Variants in TARS3 observed in about 807,000 individuals in gnomAD.
TARS3 encodes threonine--tRNA ligase 2, cytoplasmic.
In TARS3, 94 loss-of-function variants were observed where a neutral mutation model predicts 103.5. The ratio of observed to expected loss-of-function variants is 0.91; its 90% CI spans 0.77 to 1.08. The LOEUF (loss-of-function observed/expected upper bound fraction) is 1.08. Among genes scored for constraint, TARS3 ranks in the 50% least tolerant of loss-of-function variants. The pLI, the probability that TARS3 is intolerant of heterozygous loss-of-function variation, is 0.00. For missense variants in TARS3, 952 were observed against 995.2 expected (o/e 0.96, Z 0.58); for synonymous variants, 416 against 355.4 (o/e 1.17, Z -1.92).
intron 10 of TARS3, among the ~76,000 whole-genome samples, chr15:101,698,428 G>A (rs1282615364): frequency 1.3e-5 from 2 of 151,846 alleles, no homozygotes; most frequent in African/African-American, 4.8e-5. Flanking sequence ...TCTTATGGAA[G>A]AGAAAGGATG....
chr15:101,671,818 G>C (rs886071567), intron 13 of TARS3, 70 bp from the exon 14 acceptor site: 18 of 1,267,416 alleles, frequency 1.4e-5, no homozygotes, highest in Non-Finnish European at 2.0e-5. Flanking sequence ...GCTCACAAAA[G>C]TTACTATAAC....
At chr15:101,684,368 T>A in intron 11 of TARS3, 131 bp from the exon 12 acceptor site, 1 of 851,312 alleles carries the variant, frequency 1.2e-6, no homozygotes, top group African/African-American at 1.7e-5. Flanking sequence ...ATCACCAGGT[T>A]AAAAAAAAAA....
Position 101,708,936 on chromosome 15 carries a change from A to C in TARS3, c.813-26T>G, listed in dbSNP as rs1440013143. 35 of 1,438,586 alleles carry C rather than the reference A, an allele frequency of 2.4e-5. 1 individual carries two copies. Among genetic ancestry groups the C allele is most frequent in the Non-Finnish European group, 3.2e-5 (34 of 1,057,852 alleles). The allele number at this position is 1,438,586 out of a possible 1,614,324, so 89.1% of individuals were successfully genotyped here. The stretch of plus-strand genomic sequence containing the variant: ...CTAAAAAGAAGAGCAGAGAACCGAC[A>C]TCCATCTTCCAGACATTATGCATTC... On this transcript the variant is annotated intron_variant, in intron 5 of 18. Coordinates refer to ENST00000335968, the MANE Select transcript of TARS3 (RefSeq NM_152334.3).
intron 15 of TARS3, among the ~76,000 whole-genome samples, chr15:101,668,222 C>A (rs1897657181): frequency 6.6e-6 from 1 of 152,122 alleles, no homozygotes; most frequent in Admixed American, 6.5e-5. Flanking sequence ...TCATTTCTAG[C>A]TTTTGATCTA....
chr15:101,680,001 A>G (rs994016410), intron 12 of TARS3, among the ~76,000 whole-genome samples: 5 of 152,096 alleles, frequency 3.3e-5, no homozygotes, highest in Admixed American at 6.6e-5. Context: ...TTCTGACACT[A>G]CTCAAGCAGG....
At chr15:101,713,783 G>A (rs897826056) in intron 4 of TARS3, among the ~76,000 whole-genome samples, 5 of 152,184 alleles carry the variant, frequency 3.3e-5, no homozygotes, top group African/African-American at 7.2e-5. Context: ...CAGATATCAC[G>A]TAGACAGTAG....
chr15:101,703,096 A>G (rs962775688), intron 8 of TARS3, among the ~76,000 whole-genome samples: 1 of 152,204 alleles, frequency 6.6e-6, no homozygotes, highest in Admixed American at 6.5e-5. Flanking sequence ...TAAGAAAATC[A>G]AAGCCAAGAA....
At chr15:101,701,775 A>C (rs1391346574) in intron 9 of TARS3, among the ~76,000 whole-genome samples, 1 of 152,136 alleles carries the variant, frequency 6.6e-6, no homozygotes, top group Non-Finnish European at 1.5e-5. Context: ...GAATGTAAAA[A>C]ACAACTCTTT....
chr15:101,707,760 T>C (rs1200362238), intron 6 of TARS3, among the ~76,000 whole-genome samples: 2 of 152,160 alleles, frequency 1.3e-5, no homozygotes, highest in Non-Finnish European at 2.9e-5. Flanking sequence ...ATAAAAAGCT[T>C]TGGAGATTGG....
Position 101,723,036 on chromosome 15 carries a change from T to C in TARS3, c.369+57A>G, listed in dbSNP as rs554231212. 16 of 1,417,606 alleles carry C rather than the reference T, an allele frequency of 1.1e-5. No individual in the cohort carries two copies. In the East Asian group the frequency reaches 1.8e-4, roughly 16 times the overall value. 87.8% of individuals were successfully genotyped at this position (1,417,606 alleles called of 1,614,324 possible). A position where few individuals can be genotyped will look rare whatever the true frequency, so the allele number is the denominator to read the frequency against. On this transcript the variant is annotated intron_variant, in intron 2 of 18. Transcript: ENST00000335968. ...TGGAAATCCTAGGTAATTAACTATA[T>C]ACACATATTTAAAATTACAGGTAGT...
chr15:101,655,634 C>G (rs1177489521), intron 18 of TARS3, among the ~76,000 whole-genome samples: 1 of 146,210 alleles, frequency 6.8e-6, no homozygotes, highest in African/African-American at 2.6e-5. Context: ...CTCCACCTGG[C>G]ACTAGGGCGC....
chr15:101,657,973 C>T (rs745484693), intron 16 of TARS3, 116 bp from the exon 17 acceptor site: 16 of 614,064 alleles, frequency 2.6e-5, no homozygotes, highest in African/African-American at 9.4e-5. Flanking sequence ...GTTTCAGTAG[C>T]GCAGCATGGA....
rs748376400 is a variant in TARS3 at position 101,721,347 on chromosome 15, G to A, written c.370-25C>T. ...CCTGGAAATTATTAGAACATAATGA[G>A]ATTAATATATACAGCCTACTGTTTT... On this transcript the variant is annotated intron_variant, in intron 2 of 18. Coordinates refer to ENST00000335968, the MANE Select transcript of TARS3 (RefSeq NM_152334.3). 1.9e-6 allele frequency: 3 copies of A among 1,575,888 alleles called. No individual in the cohort carries two copies. In the East Asian group the frequency reaches 6.8e-5, roughly 35 times the overall value.
At chr15:101,706,677 A>AG (rs1899581377) in intron 6 of TARS3, among the ~76,000 whole-genome samples, 1 of 152,198 alleles carries the variant, frequency 6.6e-6, no homozygotes, top group Non-Finnish European at 1.5e-5. Context: ...TATAAAACTA[A>AG]GGGTTTTTTT....
chr15:101,666,682 G>A (rs1472982427), intron 15 of TARS3, among the ~76,000 whole-genome samples: 2 of 152,036 alleles, frequency 1.3e-5, no homozygotes, highest in African/African-American at 4.8e-5. Context: ...TCAGATGAAA[G>A]AAAATAAGGC....
chr15:101,691,378 C>T (rs1898716339), intron 10 of TARS3, among the ~76,000 whole-genome samples: 1 of 152,068 alleles, frequency 6.6e-6, no homozygotes, highest in African/African-American at 2.4e-5. Context: ...CTCCTGGGTT[C>T]AAGCAATTCT....
intron 12 of TARS3, among the ~76,000 whole-genome samples, chr15:101,679,075 C>T (rs1325615178): frequency 6.6e-6 from 1 of 151,996 alleles, no homozygotes; most frequent in Admixed American, 6.6e-5. Context: ...TGCTTTCAAG[C>T]CTTTCCTTTG....
intron 15 of TARS3, among the ~76,000 whole-genome samples, chr15:101,668,142 G>A (rs1028058455): frequency 2.0e-5 from 3 of 152,124 alleles, no homozygotes; most frequent in Non-Finnish European, 4.4e-5. Flanking sequence ...TCACAACTTG[G>A]GTAACTGGTG....
In TARS3 at chr15:101,654,529, C is replaced by T. The variant is rs1897127037; in HGVS notation, c.*53G>A. On this transcript the variant is annotated 3_prime_UTR_variant, in exon 19 of 19. Transcript: ENST00000335968. ...AAGTACTAACATGTTAAGAAAAATA[C>T]ATTTTTAAGGGTCAAAACAAAGTTA... 2 of 1,584,224 alleles carry T rather than the reference C, an allele frequency of 1.3e-6. No homozygotes were observed. The highest frequency in any genetic ancestry group is 1.1e-5 in the South Asian group (1 of 87,732).
Sources: gnomAD v4.1 joint callset for allele counts (sites outside exome capture counted in the v4.1 genomes callset) on GRCh38, gnomAD v4.1.1 for gene constraint, MANE v1.5 for transcripts, NCBI Gene and HGNC (gene_info 2026-07-23, HGNC 2026-07-21) for gene names.